The following MYPN variants were observed in gnomAD, a reference collection of about 807,000 sequenced individuals.
The protein encoded by MYPN is sarcomeric protein myopalladin, 145 kDa (MYOP).
A neutral mutation model predicts 129.4 loss-of-function variants in MYPN; 63 were observed. That is an observed-to-expected ratio of 0.49 (90% CI 0.40 to 0.60). The LOEUF is 0.60. MYPN is among the 20% of genes least tolerant of loss of function. The pLI is 0.00. For synonymous variants in MYPN, 629 were observed against 600.9 expected (o/e 1.05, Z -0.68); for missense variants, 1,596 against 1,635.4 (o/e 0.98, Z 0.42).
chr10:68,151,817 T>C (rs17457687), intron 6 of MYPN, among the ~76,000 whole-genome samples: 20,558 of 152,252 alleles, frequency 0.14, 1,690 homozygotes, highest in Middle Eastern at 0.22. Flanking sequence ...TCCTAGGTAC[T>C]GTGTCTTCCC....
chr10:68,201,986 G>A lies in MYPN; in HGVS notation c.3651G>A (p.Glu1217=). 6.2e-7 allele frequency: 1 copy of A among 1,614,060 alleles called. No individual in the cohort carries two copies. The highest frequency in any genetic ancestry group is 8.5e-7 in the Non-Finnish European group (1 of 1,179,982). The stretch of plus-strand genomic sequence containing the variant: ...ATGAGACCATCCCTTGCACCAGAGA[G>A]AGGATCAGGTACAGCAGCCACCACA... ...KDNETIPCTR[E]RISMHQDTTG... is the part of the protein sequence containing the mutation. Residue 1217 remains glutamate (E), a synonymous_variant, in exon 18 of 20, where the codon GAG becomes GAA. Coordinates refer to ENST00000358913, the MANE Select transcript of MYPN (RefSeq NM_032578.4).
At chr10:68,192,619 C>T (rs7896727) in intron 13 of MYPN, among the ~76,000 whole-genome samples, 82,716 of 151,902 alleles carry the variant, frequency 0.54, 24,101 homozygotes, top group Non-Finnish European at 0.64. Flanking sequence ...TGGTAGAATT[C>T]AACAGTGAAT....
At chr10:68,155,024 C>T (rs891267471) in intron 6 of MYPN, among the ~76,000 whole-genome samples, 1 of 151,824 alleles carries the variant, frequency 6.6e-6, no homozygotes, top group African/African-American at 2.4e-5. Flanking sequence ...TAACTAAAAA[C>T]ACAAAAATTA....
At chr10:68,117,289 T>TC (rs902297199) in intron 1 of MYPN, among the ~76,000 whole-genome samples, 2 of 111,748 alleles carry the variant, frequency 1.8e-5, no homozygotes, top group African/African-American at 9.2e-5. Flanking sequence ...ACACATAAAT[T>TC]CAAAAAAAAA....
intron 6 of MYPN, among the ~76,000 whole-genome samples, chr10:68,152,163 G>A (rs117332363): frequency 6.6e-6 from 1 of 152,300 alleles, no homozygotes; most frequent in Non-Finnish European, 1.5e-5. Context: ...AGGATAAGGG[G>A]TTGTAGAGAC....
intron 15 of MYPN, among the ~76,000 whole-genome samples, chr10:68,196,674 G>C (rs796261631): frequency 4.6e-5 from 7 of 151,646 alleles, no homozygotes; most frequent in African/African-American, 1.7e-4. Flanking sequence ...TTGTAAAGAC[G>C]GGGTTTCACC....
chr10:68,197,885 T>A (rs2043638190), intron 16 of MYPN, among the ~76,000 whole-genome samples: 1 of 152,096 alleles, frequency 6.6e-6, no homozygotes, highest in South Asian at 2.1e-4. Context: ...CTACTAAGTA[T>A]CTAATGGGCA....
chr10:68,130,678 C>G (rs565318516), intron 2 of MYPN, among the ~76,000 whole-genome samples: 133 of 151,688 alleles, frequency 8.8e-4, no homozygotes, highest in African/African-American at 2.4e-3. Flanking sequence ...TTTTGTAGTT[C>G]GCATCTAGTT....
In MYPN at chr10:68,207,346, A is replaced by AT. The variant is rs1312496027; in HGVS notation, c.3793+447dup. Among the ~76,000 whole-genome samples the AT allele has an allele frequency of 5.9e-4, 90 of 152,200 alleles. 1 individual carries two copies. Among genetic ancestry groups the AT allele is most frequent in the African/African-American group, 2.1e-3 (86 of 41,446 alleles). ...CTATATTTTAGTGCTTAAGAGATAG[A>AT]TTTTAAAAGTCATCTCATCCTGGTT... On this transcript the variant is annotated intron_variant, in intron 19 of 19. Transcript: ENST00000358913.
chr10:68,141,528 TATTATGTTG>T (rs1484355351), intron 2 of MYPN, among the ~76,000 whole-genome samples: 2 of 151,928 alleles, frequency 1.3e-5, no homozygotes, highest in Non-Finnish European at 2.9e-5. Context: ...AATTACTTTT[TATTATGTTG>T]ATTAATAGTT....
chr10:68,142,430 C>T (rs530185869), intron 2 of MYPN, among the ~76,000 whole-genome samples: 2 of 152,298 alleles, frequency 1.3e-5, no homozygotes, highest in South Asian at 4.1e-4. Flanking sequence ...AGTTGGGCCA[C>T]TCCTGGGAGA....
intron 8 of MYPN, 136 bp downstream of exon 8, chr10:68,161,888 T>C (rs1157874752): frequency 3.0e-6 from 2 of 673,212 alleles, no homozygotes; most frequent in African/African-American, 3.7e-5. Flanking sequence ...ATGGGCCGGG[T>C]GCAGTGGCTC....
intron 4 of MYPN, among the ~76,000 whole-genome samples, chr10:68,146,074 A>G (rs573862908): frequency 6.6e-6 from 1 of 152,338 alleles, no homozygotes; most frequent in East Asian, 1.9e-4. Context: ...TCAGAAAAAG[A>G]TTATCTATGA....
In MYPN at chr10:68,202,004, C is replaced by T; in HGVS notation, c.3659+10C>T. The stretch of plus-strand genomic sequence containing the variant: ...CCAGAGAGAGGATCAGGTACAGCAG[C>T]CACCACATCCAGAGGGACTCCCACT... On this transcript the variant is annotated intron_variant, in intron 18 of 19. Transcript: ENST00000358913. The T allele has an allele frequency of 6.2e-7, 1 of 1,613,882 alleles. No homozygotes were observed. Among genetic ancestry groups the T allele is most frequent in the Non-Finnish European group, 8.5e-7 (1 of 1,179,970 alleles).
chr10:68,161,740 A>G lies in MYPN; in HGVS notation c.1471A>G (p.Met491Val). The change falls in exon 8 of 20, where the codon ATG becomes GTG. Residue 491 changes from methionine (M) to valine (V), a missense_variant. By Grantham distance (21) the Met-to-Val change is conservative. Transcript: ENST00000358913. ...FRILQKKPRS[M>V]AEPEEICTLV... ...TTCTTTTCTTTTAGAACCTCGATCC[A>G]TGGCAGAGCCAGGTAAAGATGATTT... 6.2e-7 allele frequency: 1 copy of G among 1,611,330 alleles called. No homozygotes were observed. The highest frequency in any genetic ancestry group is 1.1e-5 in the South Asian group (1 of 90,800).
intron 1 of MYPN, among the ~76,000 whole-genome samples, chr10:68,089,435 G>A (rs1338575910): frequency 1.3e-5 from 2 of 152,056 alleles, no homozygotes; most frequent in South Asian, 2.1e-4. Flanking sequence ...TCCGTTTCCC[G>A]GGTTCATGCC....
upstream of MYPN, among the ~76,000 whole-genome samples, chr10:68,101,135 T>C (rs976113403): frequency 1.3e-5 from 2 of 152,190 alleles, no homozygotes; most frequent in Non-Finnish European, 2.9e-5. Flanking sequence ...AAATTTTGTA[T>C]AGCTTCAATT....
chr10:68,088,278 T>G (rs2041915950), intron 1 of MYPN, among the ~76,000 whole-genome samples: 1 of 151,936 alleles, frequency 6.6e-6, no homozygotes, highest in Non-Finnish European at 1.5e-5. Flanking sequence ...TTTAAAGCCA[T>G]GTGGGAAAAG....
rs573833894 is a variant in MYPN, at chr10:68,099,042, A to C, written c.-2+11050A>C. On this transcript the variant is annotated intron_variant, in intron 1 of 6. Transcript: ENST00000685154. Reference sequence around the variant, plus strand: ...TAGTAAAATAATATTGGTAGTAATTACTGTTTAGAGACATAAAATAATCTA... The same window carrying C: ...TAGTAAAATAATATTGGTAGTAATTCCTGTTTAGAGACATAAAATAATCTA... Among the ~76,000 whole-genome samples the C allele has an allele frequency of 3.9e-5, 6 of 152,320 alleles. No homozygotes were observed. In the South Asian group the frequency reaches 1.2e-3, roughly 32 times the overall value.
Sources: gnomAD v4.1 joint callset for allele counts (sites outside exome capture counted in the v4.1 genomes callset) on GRCh38, gnomAD v4.1.1 for gene constraint, MANE v1.5 for transcripts, NCBI Gene and HGNC (gene_info 2026-07-23, HGNC 2026-07-21) for gene names.